ZBTB7C: variants seen among roughly 807,000 people sequenced by gnomAD.
ZBTB7C encodes zinc finger and BTB domain-containing protein 7C.
A neutral mutation model predicts 25.7 loss-of-function variants in ZBTB7C; 8 were observed. The observed-to-expected ratio is 0.31, with a 90% CI of 0.18 to 0.56. ZBTB7C has a LOEUF of 0.56. Ranked by LOEUF, ZBTB7C falls within the 20% of genes least tolerant of loss-of-function variation. The pLI, the probability that ZBTB7C is intolerant of heterozygous loss-of-function variation, is 0.91. For synonymous variants in ZBTB7C, 394 were observed against 369.0 expected (o/e 1.07, Z -0.78); for missense variants, 824 against 855.2 (o/e 0.96, Z 0.46).
At chr18:48,411,410 T>C (rs1366662219), upstream of ZBTB7C, among the ~76,000 whole-genome samples, 1 of 152,220 alleles carries the variant, frequency 6.6e-6, no homozygotes, top group Non-Finnish European at 1.5e-5. Flanking sequence ...GGCAAAATAA[T>C]ATATCTCGCT....
intron 1 of ZBTB7C, among the ~76,000 whole-genome samples, chr18:48,387,526 G>A (rs939476341): frequency 6.6e-6 from 1 of 152,176 alleles, no homozygotes; most frequent in Non-Finnish European, 1.5e-5. Flanking sequence ...CTCCTACCAT[G>A]AATCTCTTCC....
Position 48,212,398 on chromosome 18 carries a change from TGATGGACACATGTCATTATACA to T in ZBTB7C, c.-78-26425_-78-26404del, listed in dbSNP as rs140468406. On this transcript the variant is annotated intron_variant, in intron 2 of 4. Transcript: ENST00000590800. ...GAAACTGCTCTGTATGTTACTGTTATGATGGACACATGTCATTATACATGTGTCCAAACCTATAGAATATACC... is the reference window on the plus strand; with the variant it reads ...GAAACTGCTCTGTATGTTACTGTTATTGTGTCCAAACCTATAGAATATACC... Among the ~76,000 whole-genome samples the T allele has an allele frequency of 4.7e-3, 719 of 152,180 alleles. 8 individuals are homozygous for T. Among genetic ancestry groups the T allele is most frequent in the African/African-American group, 0.017 (691 of 41,462 alleles).
At chr18:48,046,497 C>A (rs187213241) in intron 3 of ZBTB7C, among the ~76,000 whole-genome samples, 145 of 152,348 alleles carry the variant, frequency 9.5e-4, no homozygotes, top group Middle Eastern at 6.8e-3. Flanking sequence ...GAAATTAGTT[C>A]TCTATGGAGA....
At chr18:48,221,343 A>G (rs938664872) in intron 2 of ZBTB7C, among the ~76,000 whole-genome samples, 1 of 142,858 alleles carries the variant, frequency 7.0e-6, no homozygotes, top group Non-Finnish European at 1.5e-5. Flanking sequence ...ATGCTGTCCT[A>G]GTCTCCTCTA....
chr18:48,164,258 G>A (rs777559791), intron 3 of ZBTB7C, among the ~76,000 whole-genome samples: 10 of 152,158 alleles, frequency 6.6e-5, no homozygotes, highest in Admixed American at 2.6e-4. Flanking sequence ...GGACTCACAG[G>A]CAGGCATGTT....
chr18:48,376,685 C>A (rs1207028293), intron 1 of ZBTB7C, among the ~76,000 whole-genome samples: 1 of 152,256 alleles, frequency 6.6e-6, no homozygotes, highest in African/African-American at 2.4e-5. Context: ...TGTACAACCC[C>A]TTGCGGCTTT....
chr18:48,182,576 C>T (rs1568284763), intron 3 of ZBTB7C, among the ~76,000 whole-genome samples: 1 of 152,258 alleles, frequency 6.6e-6, no homozygotes, highest in South Asian at 2.1e-4. Context: ...TGTGGATCAG[C>T]TGTGTAACTG....
At chr18:48,139,078 A>G (rs2040260843) in intron 3 of ZBTB7C, among the ~76,000 whole-genome samples, 1 of 152,088 alleles carries the variant, frequency 6.6e-6, no homozygotes, top group Admixed American at 6.5e-5. Flanking sequence ...GCAGTTAGTA[A>G]GGCAGGCTCA....
intron 1 of ZBTB7C, among the ~76,000 whole-genome samples, chr18:48,406,748 T>A (rs751464510): frequency 2.6e-5 from 4 of 152,192 alleles, no homozygotes; most frequent in Non-Finnish European, 5.9e-5. Flanking sequence ...TACAAAATAT[T>A]CTCTCTTGCA....
chr18:48,126,486 C>T (rs2039804416), intron 3 of ZBTB7C, among the ~76,000 whole-genome samples: 1 of 152,200 alleles, frequency 6.6e-6, no homozygotes, highest in Admixed American at 6.5e-5. Flanking sequence ...TCCAGCCTGT[C>T]CTGACTTCCA....
chr18:48,369,122 G>A (rs1028924251), intron 1 of ZBTB7C, among the ~76,000 whole-genome samples: 2 of 152,154 alleles, frequency 1.3e-5, no homozygotes, highest in Non-Finnish European at 2.9e-5. Context: ...CTAAATGTAT[G>A]TAGAACAAAC....
At chr18:48,090,736 C>G (rs1016071506) in intron 3 of ZBTB7C, among the ~76,000 whole-genome samples, 3 of 148,420 alleles carry the variant, frequency 2.0e-5, no homozygotes, top group Admixed American at 2.0e-4. Context: ...TCCTGCTCCC[C>G]ACTGTGCTGG....
chr18:48,155,533 C>G (rs2040816428), intron 3 of ZBTB7C, among the ~76,000 whole-genome samples: 1 of 149,790 alleles, frequency 6.7e-6, no homozygotes, highest in African/African-American at 2.5e-5. Context: ...GACGGGGTTT[C>G]ACCGCATTAG....
chr18:48,380,249 T>C (rs2047604702), intron 1 of ZBTB7C, among the ~76,000 whole-genome samples: 1 of 152,186 alleles, frequency 6.6e-6, no homozygotes, highest in Non-Finnish European at 1.5e-5. Flanking sequence ...AAAGGAACCA[T>C]ACTCTAGTTT....
Position 48,041,131 on chromosome 18 carries a change from G to A in ZBTB7C, c.-16-8C>T. The A allele has an allele frequency of 6.4e-7, 1 of 1,569,448 alleles. No individual in the cohort carries two copies. The highest frequency in any genetic ancestry group is 8.7e-7 in the Non-Finnish European group (1 of 1,155,950). On this transcript the variant is annotated splice_polypyrimidine_tract_variant and splice_region_variant and intron_variant, in intron 3 of 4. Transcript: ENST00000590800. ...ATGTTCTCAGCCAGAGCCCTGCAGAGACACACAGAGAAGAAGACTGGGTTA... is the reference window on the plus strand; with the variant it reads ...ATGTTCTCAGCCAGAGCCCTGCAGAAACACACAGAGAAGAAGACTGGGTTA...
At chr18:48,181,074 T>C (rs1401320166) in intron 3 of ZBTB7C, among the ~76,000 whole-genome samples, 1 of 152,202 alleles carries the variant, frequency 6.6e-6, no homozygotes, top group Non-Finnish European at 1.5e-5. Context: ...TGTTAATTAA[T>C]AAATGTAAAA....
chr18:48,368,698 G>A (rs1456303998), intron 1 of ZBTB7C, among the ~76,000 whole-genome samples: 1 of 152,144 alleles, frequency 6.6e-6, no homozygotes, highest in Non-Finnish European at 1.5e-5. Flanking sequence ...CGTTCAGAGA[G>A]AAATAAAATC....
At chr18:48,224,402 G>A (rs887371458) in intron 2 of ZBTB7C, among the ~76,000 whole-genome samples, 1 of 152,210 alleles carries the variant, frequency 6.6e-6, no homozygotes, top group Non-Finnish European at 1.5e-5. Context: ...AGGAGCAGAG[G>A]AAGGTTCATG....
intron 3 of ZBTB7C, among the ~76,000 whole-genome samples, chr18:48,060,709 G>A (rs2037095793): frequency 6.6e-6 from 1 of 152,296 alleles, no homozygotes; most frequent in East Asian, 1.9e-4. Flanking sequence ...TGAATTAGGT[G>A]CCTGTCCTTC....
Sources: allele counts gnomAD v4.1 joint callset (sites outside exome capture counted in the v4.1 genomes callset), GRCh38; gene constraint gnomAD v4.1.1; transcripts MANE v1.5; gene names NCBI Gene and HGNC (gene_info 2026-07-23, HGNC 2026-07-21).